ZNF678: variants seen among roughly 807,000 people sequenced by gnomAD.
The protein encoded by ZNF678 is hypothetical protein MGC42493.
Under a neutral mutation model 3.0 loss-of-function variants are expected in ZNF678, and 5 were observed. That is an observed-to-expected ratio of 1.69 (90% CI 0.88 to 3.56). The LOEUF (loss-of-function observed/expected upper bound fraction) is 3.56. Ranked by LOEUF, ZNF678 falls within the 30% of genes most tolerant of loss-of-function variation. The pLI, the probability that ZNF678 is intolerant of heterozygous loss-of-function variation, is 0.00. For missense variants in ZNF678, 593 were observed against 605.0 expected, an observed-to-expected ratio of 0.98 and a Z score of 0.21; for synonymous variants, 218 against 199.6, an observed-to-expected ratio of 1.09 and a Z score of -0.78.
rs4462138 is a variant in ZNF678 at position 227,632,806 on chromosome 1, C to T, written c.-163-13738C>T. Among the ~76,000 whole-genome samples the T allele has an allele frequency of 8.7e-3, 1,325 of 152,230 alleles. 25 individuals are homozygous for T. Among genetic ancestry groups the T allele is most frequent in the South Asian group, 0.057 (274 of 4,814 alleles). On this transcript the variant is annotated intron_variant, in intron 1 of 3. Transcript: ENST00000343776. ...CCCTGTATGGGCTACCAAATATTAC[C>T]GGCGGGTCTTTGTTCTTAGAGTTCC...
rs929655316 is a variant in ZNF678 at position 227,660,676 on chromosome 1, T to A, written c.*4848T>A. On this transcript the variant is annotated 3_prime_UTR_variant, in exon 4 of 4. Coordinates refer to ENST00000343776, the MANE Select transcript of ZNF678 (RefSeq NM_001367909.1). ...AAACAGGGACAATTATTTTCTTTCT[T>A]TCCAATTTGGTTGTCTTTGGTTTTG... 4 of 152,184 alleles carry A rather than the reference T, an allele frequency of 2.6e-5. No individual in the cohort carries two copies. Among genetic ancestry groups the A allele is most frequent in the Admixed American group, 2.0e-4 (3 of 15,272 alleles). The allele number at this position is 152,184 out of a possible 1,614,324, so 9.4% of individuals were successfully genotyped here. A position where few individuals can be genotyped will look rare whatever the true frequency, so the allele number is the denominator to read the frequency against.
chr1:227,597,172 G>T (rs973825008), intron 1 of ZNF678, among the ~76,000 whole-genome samples: 1 of 152,214 alleles, frequency 6.6e-6, no homozygotes, highest in Non-Finnish European at 1.5e-5. Context: ...GGAAACAAAG[G>T]GGTGGGCCAA....
Position 227,650,889 on chromosome 1 carries a change from T to G in ZNF678, c.-36-67T>G, listed in dbSNP as rs1199791328. On this transcript the variant is annotated intron_variant, in intron 2 of 3. Coordinates refer to ENST00000343776, the MANE Select transcript of ZNF678 (RefSeq NM_001367909.1). ...ATAATGTCATCAACAAACAGCAGTATTTTTACTTCTTTCTTTTCAATTTTT... is the reference window on the plus strand; with the variant it reads ...ATAATGTCATCAACAAACAGCAGTAGTTTTACTTCTTTCTTTTCAATTTTT... 7.0e-6 allele frequency: 9 copies of G among 1,285,192 alleles called. No homozygotes were observed. In the South Asian group the frequency reaches 1.0e-4, roughly 15 times the overall value. 79.6% of individuals were successfully genotyped at this position (1,285,192 alleles called of 1,614,324 possible).
At chr1:227,605,092 G>A (rs1337480916) in intron 1 of ZNF678, among the ~76,000 whole-genome samples, 1 of 151,736 alleles carries the variant, frequency 6.6e-6, no homozygotes, top group East Asian at 2.0e-4. Context: ...CCTGACCTTG[G>A]GATCCGCCCG....
At chr1:227,644,191 A>G (rs932616045) in intron 1 of ZNF678, among the ~76,000 whole-genome samples, 9 of 152,140 alleles carry the variant, frequency 5.9e-5, no homozygotes, top group Admixed American at 3.3e-4. Flanking sequence ...AAAATCAGTG[A>G]TAGAGAAATG....
Position 227,595,583 on chromosome 1 carries a change from A to T in ZNF678, c.-164+31859A>T, listed in dbSNP as rs1571873996. Among the ~76,000 whole-genome samples, 4 of 152,228 alleles carry T rather than the reference A, an allele frequency of 2.6e-5. 1 individual carries two copies. Among genetic ancestry groups the T allele is most frequent in the African/African-American group, 9.6e-5 (4 of 41,536 alleles). On this transcript the variant is annotated intron_variant, in intron 1 of 3. Transcript: ENST00000343776. ...ACATAGTTCCTAGTAGGGTGGGCTT[A>T]TTTGTGCCTGACCCATGCTTCTTCG...
intron 3 of ZNF678, among the ~76,000 whole-genome samples, chr1:227,653,640 C>A (rs967500277): frequency 6.6e-6 from 1 of 152,052 alleles, no homozygotes; most frequent in Non-Finnish European, 1.5e-5. Flanking sequence ...ATTTGCCAGG[C>A]TGGAGATTCT....
rs1174569824 is a variant in ZNF678 at position 227,656,376 on chromosome 1, A to G, written c.*548A>G. ...AAGAGATGATGTCTTTTTGAAGCAC[A>G]GTTACATTCATGTTATACTTTTTTG... On this transcript the variant is annotated 3_prime_UTR_variant, in exon 4 of 4. Transcript: ENST00000343776. 1 of 151,906 alleles carries G rather than the reference A, an allele frequency of 6.6e-6. No homozygotes were observed. The highest frequency in any genetic ancestry group is 1.5e-5 in the Non-Finnish European group (1 of 67,838). 9.4% of individuals were successfully genotyped at this position (151,906 alleles called of 1,614,324 possible). A position where few individuals can be genotyped will look rare whatever the true frequency, so the allele number is the denominator to read the frequency against.
chr1:227,585,633 T>C (rs889566153), intron 1 of ZNF678, among the ~76,000 whole-genome samples: 5 of 152,076 alleles, frequency 3.3e-5, no homozygotes, highest in Non-Finnish European at 5.9e-5. Flanking sequence ...ATTAGCTGGA[T>C]GTGGTGGCAC....
In ZNF678 at chr1:227,657,012, T is replaced by C. The variant is rs978714045; in HGVS notation, c.*1184T>C. The C allele has an allele frequency of 1.3e-5, 2 of 151,880 alleles. No homozygotes were observed. Among genetic ancestry groups the C allele is most frequent in the Non-Finnish European group, 1.5e-5 (1 of 67,880 alleles). 9.4% of individuals were successfully genotyped at this position (151,880 alleles called of 1,614,324 possible). On this transcript the variant is annotated 3_prime_UTR_variant, in exon 4 of 4. Coordinates refer to ENST00000343776, the MANE Select transcript of ZNF678 (RefSeq NM_001367909.1). ...ATTTCAAACAACTTGGGGAGGTTTT[T>C]TTTATGTGATATGCTTTGGTTTTTT...
At chr1:227,573,163 T>C (rs1656898926) in intron 1 of ZNF678, among the ~76,000 whole-genome samples, 1 of 152,232 alleles carries the variant, frequency 6.6e-6, no homozygotes, top group Non-Finnish European at 1.5e-5. Context: ...TGGTTATTTA[T>C]TGTCAGTAGA....
At chr1:227,583,091 CTTA>C (rs1657170223) in intron 1 of ZNF678, among the ~76,000 whole-genome samples, 1 of 152,014 alleles carries the variant, frequency 6.6e-6, no homozygotes, top group Admixed American at 6.5e-5. Context: ...ATTTATTTTA[CTTA>C]TTATGTATCC....
chr1:227,663,936 G>T (rs749768197), downstream of ZNF678, among the ~76,000 whole-genome samples: 27 of 152,110 alleles, frequency 1.8e-4, no homozygotes, highest in Non-Finnish European at 3.5e-4. Flanking sequence ...CGGTGGCATG[G>T]TATACCTGCC....
chr1:227,620,029 T>C (rs1658241560), intron 1 of ZNF678, among the ~76,000 whole-genome samples: 1 of 152,160 alleles, frequency 6.6e-6, no homozygotes, highest in Non-Finnish European at 1.5e-5. Context: ...CTCCAGGTAA[T>C]TGGTCACTTG....
intron 1 of ZNF678, among the ~76,000 whole-genome samples, chr1:227,634,986 T>A (rs1360072738): frequency 6.6e-6 from 1 of 151,890 alleles, no homozygotes; most frequent in Admixed American, 6.6e-5. Context: ...GGTGCTTGTG[T>A]CACCCTTCCT....
intron 1 of ZNF678, among the ~76,000 whole-genome samples, chr1:227,587,178 G>C (rs560899384): frequency 6.6e-6 from 1 of 152,206 alleles, no homozygotes; most frequent in East Asian, 1.9e-4. Flanking sequence ...ATATGAAAAA[G>C]TGTCGTCAAG....
At chr1:227,626,301 C>A (rs1417857862) in intron 1 of ZNF678, among the ~76,000 whole-genome samples, 1 of 152,122 alleles carries the variant, frequency 6.6e-6, no homozygotes, top group Non-Finnish European at 1.5e-5. Flanking sequence ...TTGGCAGTAT[C>A]TAGGGTTTGA....
At chr1:227,596,336 A>G (rs1416653045) in intron 1 of ZNF678, among the ~76,000 whole-genome samples, 1 of 152,228 alleles carries the variant, frequency 6.6e-6, no homozygotes, top group Non-Finnish European at 1.5e-5. Context: ...GGTTTATTCA[A>G]CCAGGAGCAT....
At chr1:227,667,878 A>G (rs908579626) in intron 5 of ZNF678, among the ~76,000 whole-genome samples, 6 of 152,210 alleles carry the variant, frequency 3.9e-5, no homozygotes, top group African/African-American at 1.2e-4. Flanking sequence ...TAGGGAAGAA[A>G]AAAGGATATC....
Sources: allele counts gnomAD v4.1 joint callset (sites outside exome capture counted in the v4.1 genomes callset), GRCh38; gene constraint gnomAD v4.1.1; transcripts MANE v1.5; gene names NCBI Gene and HGNC (gene_info 2026-07-23, HGNC 2026-07-21).